The following SLC16A6 variants were observed in gnomAD, a reference collection of about 807,000 sequenced individuals.
SLC16A6 encodes solute carrier family 16 member 6.
A neutral mutation model predicts 33.8 loss-of-function variants in SLC16A6; 15 were observed. The observed-to-expected ratio is 0.44, with a 90% confidence interval of 0.30 to 0.68. SLC16A6 has a LOEUF of 0.68. Ranked by LOEUF, SLC16A6 falls within the 30% of genes least tolerant of loss-of-function variation. The probability of loss-of-function intolerance (pLI) is 0.10; values close to 1 mark genes in which losing one functional copy is unlikely to be tolerated. For missense variants in SLC16A6, 451 were observed against 661.5 expected, an observed-to-expected ratio of 0.68 and a Z score of 3.49; for synonymous variants, 219 against 248.4, an observed-to-expected ratio of 0.88 and a Z score of 1.11.
In SLC16A6 at chr17:68,273,752, C is replaced by T. The variant is rs2075419056; in HGVS notation, c.376+175G>A. 8 of 613,226 alleles carry T rather than the reference C, an allele frequency of 1.3e-5. No homozygotes were observed. In the South Asian group the frequency reaches 2.0e-4, roughly 15 times the overall value. 38.0% of individuals were successfully genotyped at this position (613,226 alleles called of 1,614,324 possible). On this transcript the variant is annotated intron_variant, in intron 3 of 5. Coordinates refer to ENST00000580666, the MANE Select transcript of SLC16A6 (RefSeq NM_004694.5). ...CCTTGGGCACTTGAGAACAGATTCC[C>T]AGGTCCCCTGAAGTCCATATAGCTC... is the stretch of plus-strand genomic sequence containing the variant.
chr17:68,269,605 A>G (rs1352566301), intron 5 of SLC16A6, among the ~76,000 whole-genome samples: 1 of 145,178 alleles, frequency 6.9e-6, no homozygotes, highest in African/African-American at 2.6e-5. Context: ...TTCGATGCAT[A>G]CTTCTTTGAA....
Position 68,267,869 on chromosome 17 carries a change from TATAAC to T in SLC16A6, c.*1222_*1226del, listed in dbSNP as rs1568400016. On this transcript the variant is annotated 3_prime_UTR_variant, in exon 6 of 6. Coordinates refer to ENST00000580666, the MANE Select transcript of SLC16A6 (RefSeq NM_004694.5). ...ATGTAAATTGCAACTTGTAACTCGCTATAACATAATTGTCTCTGTTACCCCCATGT... is the reference window on the plus strand; with the variant it reads ...ATGTAAATTGCAACTTGTAACTCGCTATAATTGTCTCTGTTACCCCCATGT... 1 of 152,256 alleles carries T rather than the reference TATAAC, an allele frequency of 6.6e-6. No individual in the cohort carries two copies. The highest frequency in any genetic ancestry group is 1.5e-5 in the Non-Finnish European group (1 of 68,042). The allele number at this position is 152,256 out of a possible 1,614,324, so 9.4% of individuals were successfully genotyped here.
At chr17:68,288,906 A>T (rs1568421314) in intron 1 of SLC16A6, among the ~76,000 whole-genome samples, 1 of 152,152 alleles carries the variant, frequency 6.6e-6, no homozygotes. Flanking sequence ...GCCTTTTCCA[A>T]CTTACAAAAC....
intron 1 of SLC16A6, among the ~76,000 whole-genome samples, chr17:68,288,391 T>G (rs1555754871): frequency 6.6e-6 from 1 of 152,182 alleles, no homozygotes; most frequent in East Asian, 1.9e-4. Flanking sequence ...TTGAACTCAT[T>G]TATGCAGAAG....
At chr17:68,276,510 A>G (rs1432976906) in intron 2 of SLC16A6, among the ~76,000 whole-genome samples, 1 of 152,130 alleles carries the variant, frequency 6.6e-6, no homozygotes, top group African/African-American at 2.4e-5. Flanking sequence ...ATGCAATGGC[A>G]TGATCATGGC....
At chr17:68,289,026 A>G (rs1418519849) in intron 1 of SLC16A6, among the ~76,000 whole-genome samples, 1 of 152,182 alleles carries the variant, frequency 6.6e-6, no homozygotes, top group Non-Finnish European at 1.5e-5. Context: ...ATTTCCTAGT[A>G]GCATGTGGTT....
At chr17:68,281,573 CAAAT>C (rs549607371) in intron 1 of SLC16A6, among the ~76,000 whole-genome samples, 33 of 151,748 alleles carry the variant, frequency 2.2e-4, no homozygotes, top group Admixed American at 1.1e-3. Flanking sequence ...GACTCTGTCT[CAAAT>C]AAATAAATAA....
chr17:68,271,432 T>C lies in SLC16A6; in HGVS notation c.728A>G (p.Glu243Gly). ...TSIDSIDSGV[E>G]LTTSPKNVPT... ...CACATTTTTAGGTGAGGTAGTTAGTTCTACTCCTGAGTCAATGGAGTCTAT... is the reference window on the plus strand; with the variant it reads ...CACATTTTTAGGTGAGGTAGTTAGTCCTACTCCTGAGTCAATGGAGTCTAT... The change falls in exon 5 of 6, where the codon GAA (glutamate) becomes GGA (glycine). Residue 243 changes from glutamate (E) to glycine (G), a missense_variant. By Grantham distance (98) the Glu-to-Gly change is moderately conservative. Coordinates refer to ENST00000580666, the MANE Select transcript of SLC16A6 (RefSeq NM_004694.5). This position sits in a 1 kb window ranked among gnomAD's most constrained non-coding sequence, Gnocchi z 5.3. The C allele has an allele frequency of 6.2e-7, 1 of 1,614,228 alleles. No individual in the cohort carries two copies.
At chr17:68,283,554 C>T (rs1458892996) in intron 1 of SLC16A6, among the ~76,000 whole-genome samples, 2 of 150,602 alleles carry the variant, frequency 1.3e-5, no homozygotes, top group African/African-American at 4.9e-5. Context: ...CACGGCGGCT[C>T]ACGCCTGTAA....
At chr17:68,276,840 G>A (rs1555751123) in intron 2 of SLC16A6, among the ~76,000 whole-genome samples, 1 of 152,110 alleles carries the variant, frequency 6.6e-6, no homozygotes, top group Non-Finnish European at 1.5e-5. Context: ...GAACTCATGA[G>A]ACCTGGCATG....
Position 68,270,510 on chromosome 17 carries a change from C to T in SLC16A6, c.1321+329G>A, listed in dbSNP as rs113290352. ...TGGAGGTTGCAGTGAGCTGAGACTG[C>T]GCCACTGCACTCCAGCCTGGGTGAT... On this transcript the variant is annotated intron_variant, in intron 5 of 5. Coordinates refer to ENST00000580666, the MANE Select transcript of SLC16A6 (RefSeq NM_004694.5). Among the ~76,000 whole-genome samples the T allele has an allele frequency of 5.3e-3, 796 of 150,636 alleles. 11 individuals carry two copies. The highest frequency in any genetic ancestry group is 0.016 in the South Asian group (75 of 4,750).
rs189383434 is a variant in SLC16A6, at chr17:68,287,398, G to A, written c.-8+3688C>T. On this transcript the variant is annotated intron_variant, in intron 1 of 5. Coordinates refer to ENST00000580666, the MANE Select transcript of SLC16A6 (RefSeq NM_004694.5). ...TGGTCTGGAACTCCCGGACTCAAGC[G>A]ATCCTCCCACCTCGGCCTCCCAAAG... Among the ~76,000 whole-genome samples, 514 of 151,792 alleles carry A rather than the reference G, an allele frequency of 3.4e-3. 6 individuals are homozygous for A. Among genetic ancestry groups the A allele is most frequent in the African/African-American group, 0.011 (473 of 41,324 alleles).
Position 68,271,209 on chromosome 17 carries a change from A to G in SLC16A6, c.951T>C (p.Pro317=), listed in dbSNP as rs1373759611. The stretch of plus-strand genomic sequence containing the variant: ...GGTCAATGCCCAGACTAATGCCCAG[A>G]GGAATGATGTACAAGGAAGGTGCAA... ...GFFAPSLYII[P]LGISLGIDQD... Residue 317 remains proline (P), a synonymous_variant, in exon 5 of 6, where the codon CCT becomes CCC. Coordinates refer to ENST00000580666, the MANE Select transcript of SLC16A6 (RefSeq NM_004694.5). This position sits in a 1 kb window ranked among gnomAD's most constrained non-coding sequence, Gnocchi z 5.3. 1 of 1,614,102 alleles carries G rather than the reference A, an allele frequency of 6.2e-7. No individual in the cohort carries two copies. The highest frequency in any genetic ancestry group is 1.7e-5 in the Admixed American group (1 of 60,032).
At chr17:68,275,992 A>C (rs2075504354) in intron 2 of SLC16A6, among the ~76,000 whole-genome samples, 1 of 150,598 alleles carries the variant, frequency 6.6e-6, no homozygotes, top group Non-Finnish European at 1.5e-5. Flanking sequence ...CAAAAAAAAA[A>C]AAAATTAAGT....
At chr17:68,273,380 G>A (rs369900741) in intron 3 of SLC16A6, among the ~76,000 whole-genome samples, 20 of 151,988 alleles carry the variant, frequency 1.3e-4, no homozygotes, top group Middle Eastern at 3.4e-3. Flanking sequence ...GCACCACCAC[G>A]CTTGGCTAGT....
intron 2 of SLC16A6, among the ~76,000 whole-genome samples, chr17:68,276,284 AGG>A (rs1555750871): frequency 1.3e-5 from 2 of 151,840 alleles, no homozygotes; most frequent in Admixed American, 1.3e-4. Flanking sequence ...CCTTACCCAA[AGG>A]GTAAAAACAT....
At position 68,268,869 on chromosome 17, in the gene SLC16A6, T is replaced by G. The variant is rs1340198273; in HGVS notation, c.*227A>C. The G allele has an allele frequency of 4.1e-6, 3 of 733,066 alleles. No individual in the cohort carries two copies. In the African/African-American group the frequency reaches 5.4e-5, roughly 13 times the overall value. The allele number at this position is 733,066 out of a possible 1,614,324, so 45.4% of individuals were successfully genotyped here. A position where few individuals can be genotyped will look rare whatever the true frequency, so the allele number is the denominator to read the frequency against. Reference sequence around the variant, plus strand: ...CCAGATTTATATATGGAAGAGTGCTTGGTTGTTTTTTGTTTTGGCTTTAAA... The same window carrying G: ...CCAGATTTATATATGGAAGAGTGCTGGGTTGTTTTTTGTTTTGGCTTTAAA... On this transcript the variant is annotated 3_prime_UTR_variant, in exon 6 of 6. Transcript: ENST00000580666.
intron 1 of SLC16A6, among the ~76,000 whole-genome samples, chr17:68,283,923 C>T (rs1182471722): frequency 1.5e-5 from 2 of 137,600 alleles, no homozygotes; most frequent in Non-Finnish European, 3.2e-5. Context: ...CATAGCAAAA[C>T]ACTGTCTCTA....
intron 2 of SLC16A6, chr17:68,274,371 TG>T (rs2075442936): frequency 4.5e-6 from 1 of 224,142 alleles, no homozygotes; most frequent in Admixed American, 5.0e-5. Context: ...CAGGCAGAGA[TG>T]GGAGGATTGT....
Sources: allele counts gnomAD v4.1 joint callset (sites outside exome capture counted in the v4.1 genomes callset), GRCh38; gene constraint gnomAD v4.1.1; non-coding constraint Gnocchi (gnomAD v3.1); transcripts MANE v1.5; gene names NCBI Gene and HGNC (gene_info 2026-07-23, HGNC 2026-07-21).